Variants in XXYLT1 observed in about 807,000 individuals in gnomAD.
XXYLT1 encodes UDP-xylose:alpha-xyloside alpha-1,3-xylosyltransferase.
Under a neutral mutation model 28.9 loss-of-function variants are expected in XXYLT1, and 20 were observed. The observed-to-expected ratio is 0.69, with a 90% CI of 0.49 to 1.00. The LOEUF (loss-of-function observed/expected upper bound fraction) is 1.00, where lower values mean the gene tolerates loss of function less well. Among genes scored for constraint, XXYLT1 ranks in the 50% least tolerant of loss-of-function variants. The probability of loss-of-function intolerance (pLI) is 0.00; values close to 1 mark genes in which losing one functional copy is unlikely to be tolerated. For synonymous variants in XXYLT1, 257 were observed against 253.8 expected (o/e 1.01, Z -0.12); for missense variants, 542 against 560.1 (o/e 0.97, Z 0.33).
intron 3 of XXYLT1, among the ~76,000 whole-genome samples, chr3:195,143,872 A>C (rs1174533007): frequency 1.1e-5 from 1 of 94,912 alleles, no homozygotes; most frequent in African/African-American, 5.1e-5. Context: ...ATAGATATAG[A>C]TATATATATA....
At chr3:195,200,423 A>G (rs998950746) in intron 2 of XXYLT1, among the ~76,000 whole-genome samples, 4 of 152,242 alleles carry the variant, frequency 2.6e-5, no homozygotes, top group African/African-American at 9.6e-5. Context: ...TTCACTGGTA[A>G]TAATAGTGGT....
At chr3:195,108,265 G>C (rs1467699383) in intron 3 of XXYLT1, among the ~76,000 whole-genome samples, 2 of 152,228 alleles carry the variant, frequency 1.3e-5, no homozygotes, top group South Asian at 2.1e-4. Flanking sequence ...ACATTAATTA[G>C]AAACGCAAAC....
chr3:195,071,241 G>C (rs7631827), intron 3 of XXYLT1, among the ~76,000 whole-genome samples: 16,192 of 152,188 alleles, frequency 0.11, 1,038 homozygotes, highest in East Asian at 0.3. Context: ...GACACATCGT[G>C]GCAGAACCAG....
At chr3:195,111,458 G>A (rs572092381) in intron 3 of XXYLT1, among the ~76,000 whole-genome samples, 1 of 152,284 alleles carries the variant, frequency 6.6e-6, no homozygotes, top group South Asian at 2.1e-4. Context: ...CAAGGGGAAA[G>A]GAGGTGGCGG....
chr3:195,187,275 T>C (rs950427420), intron 2 of XXYLT1, among the ~76,000 whole-genome samples: 1 of 149,406 alleles, frequency 6.7e-6, no homozygotes, highest in African/African-American at 2.5e-5. Context: ...GGTTTCACCA[T>C]ATTTGTCTCG....
intron 1 of XXYLT1, among the ~76,000 whole-genome samples, chr3:195,244,761 C>CAAG (rs1724933556): frequency 3.8e-5 from 1 of 26,532 alleles, no homozygotes; most frequent in Non-Finnish European, 7.9e-5. Flanking sequence ...GACTCTGTCT[C>CAAG]AAAAAAAAAA....
At chr3:195,110,331 G>GTGTCTGTACGT (rs1560100826) in intron 3 of XXYLT1, among the ~76,000 whole-genome samples, 1 of 18,932 alleles carries the variant, frequency 5.3e-5, no homozygotes, top group Non-Finnish European at 9.8e-5. Context: ...AGGGTGAGGT[G>GTGTCTGTACGT]TGTGTATGTG....
At chr3:195,139,006 G>A (rs1331717026) in intron 3 of XXYLT1, among the ~76,000 whole-genome samples, 2 of 152,162 alleles carry the variant, frequency 1.3e-5, no homozygotes, top group African/African-American at 4.8e-5. Flanking sequence ...CAACAGCCAG[G>A]GGTTCAGTGC....
In XXYLT1 at chr3:195,184,595, C is replaced by A. The variant is rs926778789; in HGVS notation, c.653-28014G>T. The A allele has an allele frequency of 6.0e-5, 59 of 984,892 alleles. No homozygotes were observed. In the African/African-American group the frequency reaches 8.4e-4, roughly 14 times the overall value. The allele number at this position is 984,892 out of a possible 1,614,324, so 61.0% of individuals were successfully genotyped here. On this transcript the variant is annotated intron_variant, in intron 2 of 3. Coordinates refer to ENST00000310380, the MANE Select transcript of XXYLT1 (RefSeq NM_152531.5). ...CTCAAAATGGTTTGGAAGAACCCCCCCAAGAAACATTTAAGTCTCCCTGAT... is the reference window on the plus strand; with the variant it reads ...CTCAAAATGGTTTGGAAGAACCCCCACAAGAAACATTTAAGTCTCCCTGAT...
At chr3:195,174,715 C>T (rs1402200665) in intron 2 of XXYLT1, among the ~76,000 whole-genome samples, 12 of 136,544 alleles carry the variant, frequency 8.8e-5, no homozygotes, top group Admixed American at 8.7e-4. Context: ...TTCTCTTCTT[C>T]CTCTTCCTCC....
intron 1 of XXYLT1, among the ~76,000 whole-genome samples, chr3:195,246,561 G>C (rs1725031437): frequency 6.6e-6 from 1 of 152,234 alleles, no homozygotes; most frequent in African/African-American, 2.4e-5. Flanking sequence ...CCTGGAGGGA[G>C]AGCAAGACTC....
At chr3:195,181,251 CTGGCTGTGTATCTGCG>C (rs1479332023) in intron 2 of XXYLT1, among the ~76,000 whole-genome samples, 31 of 149,848 alleles carry the variant, frequency 2.1e-4, no homozygotes, top group African/African-American at 7.5e-4. Flanking sequence ...CCTTTTCACA[CTGGCTGTGTATCTGCG>C]TGGCTGCGTG....
rs190166700 is a variant in XXYLT1, at chr3:195,229,886, T to A, written c.505-3030A>T. Among the ~76,000 whole-genome samples, 505 of 152,330 alleles carry A rather than the reference T, an allele frequency of 3.3e-3. 3 individuals are homozygous for A. The highest frequency in any genetic ancestry group is 0.011 in the African/African-American group (474 of 41,572). ...ATGTCTTCGATATACTTAATTCCTTTCTTTTGGGTATATATCTAGCAGTGG... is the reference window on the plus strand; with the variant it reads ...ATGTCTTCGATATACTTAATTCCTTACTTTTGGGTATATATCTAGCAGTGG... On this transcript the variant is annotated intron_variant, in intron 1 of 3. Transcript: ENST00000310380.
intron 1 of XXYLT1, among the ~76,000 whole-genome samples, chr3:195,243,700 G>C (rs1283266079): frequency 6.6e-6 from 1 of 152,172 alleles, no homozygotes; most frequent in Non-Finnish European, 1.5e-5. Flanking sequence ...GAAAACAAAG[G>C]TCTGCAAGGG....
intron 1 of XXYLT1, among the ~76,000 whole-genome samples, chr3:195,265,353 C>T (rs1317881434): frequency 1.4e-5 from 2 of 146,420 alleles, no homozygotes; most frequent in South Asian, 2.1e-4. Flanking sequence ...GGTGACAGAA[C>T]GAGACTCCAT....
At chr3:195,160,536 T>C (rs913393398) in intron 2 of XXYLT1, among the ~76,000 whole-genome samples, 1 of 152,218 alleles carries the variant, frequency 6.6e-6, no homozygotes, top group African/African-American at 2.4e-5. Flanking sequence ...AATTTTCCCA[T>C]TGTCCACTTT....
chr3:195,268,512 C>T (rs961518852), intron 1 of XXYLT1, among the ~76,000 whole-genome samples: 1 of 151,654 alleles, frequency 6.6e-6, no homozygotes, highest in African/African-American at 2.4e-5. Context: ...GAGGCAGAAT[C>T]GCTCGAACCC....
At position 195,077,568 on chromosome 3, in the gene XXYLT1, G is replaced by A. The variant is rs1034170026; in HGVS notation, c.786-7457C>T. On this transcript the variant is annotated intron_variant, in intron 3 of 3. Transcript: ENST00000310380. The surrounding 1 kb of genome is among the most constrained non-coding windows in gnomAD (Gnocchi z 4.8). ...TCTGGAATGATAAAGGTGACCCATA[G>A]TGTCAGTCTCGTTCCCAAAGCTGTA... Among the ~76,000 whole-genome samples the A allele has an allele frequency of 1.3e-5, 2 of 152,192 alleles. No individual in the cohort carries two copies. The highest frequency in any genetic ancestry group is 3.9e-4 in the East Asian group (2 of 5,184).
At chr3:195,165,353 C>T (rs1316239424) in intron 2 of XXYLT1, among the ~76,000 whole-genome samples, 2 of 152,110 alleles carry the variant, frequency 1.3e-5, no homozygotes, top group African/African-American at 2.4e-5. Flanking sequence ...TCCTGAGATC[C>T]TCTCCCAGAA....
Sources: allele counts gnomAD v4.1 joint callset (sites outside exome capture counted in the v4.1 genomes callset), GRCh38; gene constraint gnomAD v4.1.1; non-coding constraint Gnocchi (gnomAD v3.1); transcripts MANE v1.5; gene names NCBI Gene and HGNC (gene_info 2026-07-23, HGNC 2026-07-21).